The following FEZF2 variants were observed in gnomAD, a reference collection of about 807,000 sequenced individuals.
FEZF2 encodes FEZ family zinc finger 2.
In FEZF2, 2 loss-of-function variants were observed where a neutral mutation model predicts 32.8. The observed-to-expected ratio is 0.06, with a 90% confidence interval of 0.02 to 0.19. The LOEUF (loss-of-function observed/expected upper bound fraction) is 0.19, where lower values mean the gene tolerates loss of function less well. Ranked by LOEUF, FEZF2 falls within the 10% of genes least tolerant of loss-of-function variation. The pLI, the probability that FEZF2 is intolerant of heterozygous loss-of-function variation, is 1.00. For missense variants in FEZF2, 516 were observed against 625.4 expected (o/e 0.83, Z 1.87); for synonymous variants, 322 against 284.8 (o/e 1.13, Z -1.32).
chr3:62,371,878 GCC>G, intron 2 of FEZF2, 137 bp downstream of exon 2: 1 of 1,411,844 alleles, frequency 7.1e-7, no homozygotes, highest in Admixed American at 2.7e-5. Context: ...GGAAACTGAG[GCC>G]CAACGAGGCT....
Position 62,370,281 on chromosome 3 carries a change from G to A in FEZF2, c.1182C>T (p.Cys394=), listed in dbSNP as rs748200874. The A allele has an allele frequency of 6.2e-7, 1 of 1,614,224 alleles. No individual in the cohort carries two copies. The highest frequency in any genetic ancestry group is 8.5e-7 in the Non-Finnish European group (1 of 1,180,048). Residue 394 remains cysteine (C), a synonymous_variant, in exon 5 of 5, where the codon TGC becomes TGT. Coordinates refer to ENST00000283268, the MANE Select transcript of FEZF2 (RefSeq NM_018008.4). The surrounding 1 kb of genome is among the most constrained non-coding windows in gnomAD (Gnocchi z 4.2). The part of the protein sequence containing the change: ...SGEKQYKCTI[C]NKAFHQVYNL... ...TGTAGACCTGGTGGAAGGCCTTGTTGCAGATGGTACATTTGTACTGCTTCT... is the reference window on the plus strand; with the variant it reads ...TGTAGACCTGGTGGAAGGCCTTGTTACAGATGGTACATTTGTACTGCTTCT...
chr3:62,372,678 A>G lies in FEZF2; in HGVS notation c.191T>C (p.Leu64Pro). The G allele has an allele frequency of 9.3e-6, 15 of 1,608,272 alleles. No individual in the cohort carries two copies. The highest frequency in any genetic ancestry group is 1.3e-5 in the Non-Finnish European group (15 of 1,177,356). Residue 64 changes from leucine (L) to proline (P), a missense_variant, in exon 2 of 5, where the codon CTC (leucine) becomes CCC (proline). By Grantham distance (98) the Leu-to-Pro change is moderately conservative (BLOSUM62 -3). Coordinates refer to ENST00000283268, the MANE Select transcript of FEZF2 (RefSeq NM_018008.4). The surrounding 1 kb of genome is among the most constrained non-coding windows in gnomAD (Gnocchi z 9.6). ...EADGSQGKKL[L>P]NLCSPLPCMI... ...ACAGGGCAGCGGCGAGCAGAGGTTG[A>G]GCAGTTTCTTGCCCTGGCTGCCGTC...
Position 62,371,519 on chromosome 3 carries a change from CG to C in FEZF2, c.987+13del, listed in dbSNP as rs1704269713. 2 of 1,606,488 alleles carry C rather than the reference CG, an allele frequency of 1.2e-6. No individual in the cohort carries two copies. The highest frequency in any genetic ancestry group is 1.7e-6 in the Non-Finnish European group (2 of 1,176,332). ...GGTTGCGCGCGGGCTAGGCCCGACC[CG>C]GGGGCCACGTACCTGGGTGTGGATA... On this transcript the variant is annotated intron_variant, in intron 3 of 4. Transcript: ENST00000283268.
In FEZF2 at chr3:62,371,761, C is replaced by T. The variant is rs1704272647; in HGVS notation, c.853-94G>A. The T allele has an allele frequency of 2.0e-6, 3 of 1,516,010 alleles. No homozygotes were observed. In the East Asian group the frequency reaches 6.8e-5, roughly 34 times the overall value. The allele number at this position is 1,516,010 out of a possible 1,614,324, so 93.9% of individuals were successfully genotyped here. ...ACAGCCTACCTCCCCCAACCAACAC[C>T]CCCTTCAGAAACCAGAGCCTTTTTC... is the stretch of plus-strand genomic sequence containing the variant. On this transcript the variant is annotated intron_variant, in intron 2 of 4. Transcript: ENST00000283268.
rs1365467977 is a variant in FEZF2, at chr3:62,372,557, G to C, written c.312C>G (p.Gly104=). ...LWKSSLRAGG[G]GGGGGGGGGG... ...CGCCGCCACCGCCGCCGCCGCCTCC[G>C]CCGCCGCCCGCCCGGAGGCTGCTTT... The change falls in exon 2 of 5, where the codon GGC becomes GGG. Residue 104 remains glycine, a synonymous_variant. Coordinates refer to ENST00000283268, the MANE Select transcript of FEZF2 (RefSeq NM_018008.4). The surrounding 1 kb of genome is among the most constrained non-coding windows in gnomAD (Gnocchi z 9.6). 2 of 1,366,014 alleles carry C rather than the reference G, an allele frequency of 1.5e-6. No individual in the cohort carries two copies. The highest frequency in any genetic ancestry group is 2.4e-5 in the South Asian group (1 of 41,042). 84.6% of individuals were successfully genotyped at this position (1,366,014 alleles called of 1,614,324 possible).
Position 62,370,066 on chromosome 3 carries a change from G to C in FEZF2, c.*17C>G, listed in dbSNP as rs759462594. The stretch of plus-strand genomic sequence containing the variant: ...TCAGGTGGTACAGGGAGGGAAGGAA[G>C]GGCAAGGCAGTAGCTCTCAGCTCTG... On this transcript the variant is annotated 3_prime_UTR_variant, in exon 5 of 5. Coordinates refer to ENST00000283268, the MANE Select transcript of FEZF2 (RefSeq NM_018008.4). The surrounding 1 kb of genome is among the most constrained non-coding windows in gnomAD (Gnocchi z 4.2). 2 of 1,611,704 alleles carry C rather than the reference G, an allele frequency of 1.2e-6. No individual in the cohort carries two copies.
Position 62,369,815 on chromosome 3 carries a change from C to G in FEZF2, c.*268G>C. 1 of 417,886 alleles carries G rather than the reference C, an allele frequency of 2.4e-6. No homozygotes were observed. Among genetic ancestry groups the G allele is most frequent in the Admixed American group, 4.1e-5 (1 of 24,532 alleles). The allele number at this position is 417,886 out of a possible 1,614,324, so 25.9% of individuals were successfully genotyped here. A position where few individuals can be genotyped will look rare whatever the true frequency, so the allele number is the denominator to read the frequency against. On this transcript the variant is annotated 3_prime_UTR_variant, in exon 5 of 5. Transcript: ENST00000283268. The surrounding 1 kb of genome is among the most constrained non-coding windows in gnomAD (Gnocchi z 4.2). The stretch of plus-strand genomic sequence containing the variant: ...GGTGACAGGCTGGGGTTAAAACTGG[C>G]TGCCCCAGGAGAAGCGGAGGCCTGG...
At position 62,372,495 on chromosome 3, in the gene FEZF2, C is replaced by T. The variant is rs773579944; in HGVS notation, c.374G>A (p.Gly125Asp). The T allele has an allele frequency of 6.8e-7, 1 of 1,474,584 alleles. No individual in the cohort carries two copies. Among genetic ancestry groups the T allele is most frequent in the African/African-American group, 1.4e-5 (1 of 69,120 alleles). The allele number at this position is 1,474,584 out of a possible 1,614,324, so 91.3% of individuals were successfully genotyped here. Residue 125 changes from glycine (G) to aspartate (D), a missense_variant, in exon 2 of 5, where the codon GGC becomes GAC. Physicochemically the swap from Gly to Asp is moderately conservative, Grantham distance 94. Coordinates refer to ENST00000283268, the MANE Select transcript of FEZF2 (RefSeq NM_018008.4). The surrounding 1 kb of genome is among the most constrained non-coding windows in gnomAD (Gnocchi z 9.6). Reference protein sequence around the residue: ...GGGAPVCGASGLCKTNCGVCC... With the variant: ...GGGAPVCGASDLCKTNCGVCC... ...CACGCCACAGTTGGTTTTGCACAAGCCGCTGGCGCCGCACACTGGGGCCCC... is the reference window on the plus strand; with the variant it reads ...CACGCCACAGTTGGTTTTGCACAAGTCGCTGGCGCCGCACACTGGGGCCCC...
rs778169385 is a variant in FEZF2 at position 62,372,176 on chromosome 3, G to C, written c.693C>G (p.Pro231=). ...LAADKFPHPA[P]YPHKERLPAP... ...CCGGCAAGCGCTCCTTATGGGGATA[G>C]GGAGCCGGGTGGGGGAACTTGTCCG... The change falls in exon 2 of 5, where the codon CCC becomes CCG. Residue 231 remains proline, a synonymous_variant. Coordinates refer to ENST00000283268, the MANE Select transcript of FEZF2 (RefSeq NM_018008.4). The surrounding 1 kb of genome is among the most constrained non-coding windows in gnomAD (Gnocchi z 9.6). 1.3e-6 allele frequency: 2 copies of C among 1,584,730 alleles called. No homozygotes were observed. Among genetic ancestry groups the C allele is most frequent in the South Asian group, 1.1e-5 (1 of 87,272 alleles).
chr3:62,372,925 G>A lies in FEZF2; in HGVS notation c.-57C>T. 7.5e-7 allele frequency: 1 copy of A among 1,329,638 alleles called. No individual in the cohort carries two copies. Among genetic ancestry groups the A allele is most frequent in the East Asian group, 3.0e-5 (1 of 33,174 alleles). 82.4% of individuals were successfully genotyped at this position (1,329,638 alleles called of 1,614,324 possible). On this transcript the variant is annotated splice_region_variant and 5_prime_UTR_variant, in exon 2 of 5. Coordinates refer to ENST00000283268, the MANE Select transcript of FEZF2 (RefSeq NM_018008.4). The surrounding 1 kb of genome is among the most constrained non-coding windows in gnomAD (Gnocchi z 9.6). ...CCAGGGCGCAGCCTCTCTCCTCTAA[G>A]TCTGCATTCCGGAAAAGGCAGGGGG...
chr3:62,371,202 C>T lies in FEZF2; in HGVS notation c.1120+15G>A. 6.2e-7 allele frequency: 1 copy of T among 1,614,194 alleles called. No individual in the cohort carries two copies. The highest frequency in any genetic ancestry group is 8.5e-7 in the Non-Finnish European group (1 of 1,180,014). The stretch of plus-strand genomic sequence containing the variant: ...GAGGTGAGGTGAGAAGAGAAGGCCT[C>T]GCCTGGCACGTTACCTTTTTGGTGA... On this transcript the variant is annotated intron_variant, in intron 4 of 4. Coordinates refer to ENST00000283268, the MANE Select transcript of FEZF2 (RefSeq NM_018008.4).
At chr3:62,371,412 C>T in intron 3 of FEZF2, 63 bp from the exon 4 acceptor site, 2 of 1,578,152 alleles carry the variant, frequency 1.3e-6, no homozygotes, top group Non-Finnish European at 8.6e-7. Flanking sequence ...GAAGGGACAT[C>T]CCCCCCACCC....
At position 62,370,056 on chromosome 3, in the gene FEZF2, A is replaced by T. The variant is rs1339002365; in HGVS notation, c.*27T>A. ...TGATCTGTTTTCAGGTGGTACAGGG[A>T]GGGAAGGAAGGGCAAGGCAGTAGCT... On this transcript the variant is annotated 3_prime_UTR_variant, in exon 5 of 5. Coordinates refer to ENST00000283268, the MANE Select transcript of FEZF2 (RefSeq NM_018008.4). The surrounding 1 kb of genome is among the most constrained non-coding windows in gnomAD (Gnocchi z 4.2). The T allele has an allele frequency of 6.2e-7, 1 of 1,610,094 alleles. No individual in the cohort carries two copies. The highest frequency in any genetic ancestry group is 1.7e-5 in the Admixed American group (1 of 59,878).
In FEZF2 at chr3:62,369,778, T is replaced by G; in HGVS notation, c.*305A>C. 1 of 356,356 alleles carries G rather than the reference T, an allele frequency of 2.8e-6. No homozygotes were observed. The highest frequency in any genetic ancestry group is 5.5e-5 in the East Asian group (1 of 18,092). The allele number at this position is 356,356 out of a possible 1,614,324, so 22.1% of individuals were successfully genotyped here. Reference sequence around the variant, plus strand: ...GATGGCTAGGGGCGCCGCGCTCTTCTGGGGCGCTCACGGTGACAGGCTGGG... The same window carrying G: ...GATGGCTAGGGGCGCCGCGCTCTTCGGGGGCGCTCACGGTGACAGGCTGGG... On this transcript the variant is annotated 3_prime_UTR_variant, in exon 5 of 5. Transcript: ENST00000283268. The surrounding 1 kb of genome is among the most constrained non-coding windows in gnomAD (Gnocchi z 4.2).
rs1044356220 is a variant in FEZF2, at chr3:62,369,915, G to C, written c.*168C>G. 3 of 794,936 alleles carry C rather than the reference G, an allele frequency of 3.8e-6. No individual in the cohort carries two copies. In the South Asian group the frequency reaches 6.8e-5, roughly 18 times the overall value. The allele number at this position is 794,936 out of a possible 1,614,324, so 49.2% of individuals were successfully genotyped here. A position where few individuals can be genotyped will look rare whatever the true frequency, so the allele number is the denominator to read the frequency against. On this transcript the variant is annotated 3_prime_UTR_variant, in exon 5 of 5. Coordinates refer to ENST00000283268, the MANE Select transcript of FEZF2 (RefSeq NM_018008.4). This position sits in a 1 kb window ranked among gnomAD's most constrained non-coding sequence, Gnocchi z 4.2. ...CAAAGGTGGGGGCCACGAGTTTGCT[G>C]CCAGTCATCGAGGAAACATTTAGCT...
rs1026452714 is a variant in FEZF2, at chr3:62,371,449, A to G, written c.987+84T>C. 1.1e-5 allele frequency: 17 copies of G among 1,577,052 alleles called. No individual in the cohort carries two copies. The African/African-American group carries it at 2.2e-4, about 20-fold the overall frequency. ...CACTCAACCCTAGAGGGTAAGGGATAATCTTTGGCCATCGTATCCCCGGTG... is the reference window on the plus strand; with the variant it reads ...CACTCAACCCTAGAGGGTAAGGGATGATCTTTGGCCATCGTATCCCCGGTG... On this transcript the variant is annotated intron_variant, in intron 3 of 4. Transcript: ENST00000283268.
intron 4 of FEZF2, 104 bp downstream of exon 4, chr3:62,371,113 G>A: frequency 5.8e-6 from 9 of 1,550,734 alleles, no homozygotes; most frequent in Non-Finnish European, 7.1e-6. Flanking sequence ...CGCGCCTGCA[G>A]ATTTCGCCTT....
intron 2 of FEZF2, 121 bp from the exon 3 acceptor site, chr3:62,371,788 G>T: frequency 6.8e-7 from 1 of 1,464,704 alleles, no homozygotes; most frequent in South Asian, 1.4e-5. Context: ...GCCTTTTTCA[G>T]TTTGTAAAGT....
chr3:62,370,317 G>T lies in FEZF2; in HGVS notation c.1146C>A (p.Thr382=). 1 of 1,614,190 alleles carries T rather than the reference G, an allele frequency of 6.2e-7. No individual in the cohort carries two copies. Among genetic ancestry groups the T allele is most frequent in the Non-Finnish European group, 8.5e-7 (1 of 1,180,044 alleles). ...QKGNYKNHKL[T]HSGEKQYKCT... is the part of the protein sequence containing the mutation. ...ATTTGTACTGCTTCTCGCCGCTGTG[G>T]GTCAGCTTGTGGTTCTTGTAGTTCC... Residue 382 remains threonine, a synonymous_variant, in exon 5 of 5, where the codon ACC becomes ACA. Transcript: ENST00000283268. The surrounding 1 kb of genome is among the most constrained non-coding windows in gnomAD (Gnocchi z 4.2).
Sources: gnomAD v4.1 joint callset for allele counts on GRCh38, gnomAD v4.1.1 for gene constraint, Gnocchi (gnomAD v3.1) non-coding constraint, MANE v1.5 for transcripts, NCBI Gene and HGNC (gene_info 2026-07-23, HGNC 2026-07-21) for gene names.